Variants in CBFA2T2 observed in about 807,000 individuals in gnomAD.
The protein encoded by CBFA2T2 is protein CBFA2T2.
CBFA2T2 carries 11 observed loss-of-function variants against 62.2 expected under a neutral mutation model. That is an observed-to-expected ratio of 0.18 (90% confidence interval 0.11 to 0.29). The LOEUF is 0.29. Ranked by LOEUF, CBFA2T2 falls within the 10% of genes least tolerant of loss-of-function variation. The pLI, the probability that CBFA2T2 is intolerant of heterozygous loss-of-function variation, is 1.00. For missense variants in CBFA2T2, 592 were observed against 774.1 expected, an observed-to-expected ratio of 0.76 and a Z score of 2.79; for synonymous variants, 295 against 287.5, an observed-to-expected ratio of 1.03 and a Z score of -0.27.
intron 8 of CBFA2T2, among the ~76,000 whole-genome samples, chr20:33,633,108 C>T (rs952939878): frequency 1.1e-4 from 17 of 151,938 alleles, no homozygotes; most frequent in African/African-American, 2.7e-4. Flanking sequence ...CAGTGTCTCA[C>T]GCCTGTAATC....
At chr20:33,532,073 A>T (rs2012078132) in intron 1 of CBFA2T2, among the ~76,000 whole-genome samples, 1 of 152,162 alleles carries the variant, frequency 6.6e-6, no homozygotes, top group African/African-American at 2.4e-5. Flanking sequence ...GACTTAATGA[A>T]AGGAAACCAG....
chr20:33,593,589 T>C (rs1041683533), intron 1 of CBFA2T2, among the ~76,000 whole-genome samples: 2 of 151,846 alleles, frequency 1.3e-5, no homozygotes, highest in Admixed American at 1.3e-4. Flanking sequence ...GACGGGGTTT[T>C]GCCATGTTGG....
At chr20:33,585,670 A>G (rs1048353431) in intron 1 of CBFA2T2, among the ~76,000 whole-genome samples, 4 of 152,222 alleles carry the variant, frequency 2.6e-5, no homozygotes, top group South Asian at 2.1e-4. Flanking sequence ...TAACCTCACT[A>G]ATTGAATGTT....
chr20:33,638,591 G>A (rs190180163), intron 9 of CBFA2T2: 2 of 152,322 alleles, frequency 1.3e-5, no homozygotes, highest in East Asian at 3.9e-4. Flanking sequence ...TAAGGCCAGA[G>A]CCATAAGATG....
At chr20:33,539,297 TG>T (rs1184393671) in intron 1 of CBFA2T2, among the ~76,000 whole-genome samples, 1 of 152,190 alleles carries the variant, frequency 6.6e-6, no homozygotes, top group Non-Finnish European at 1.5e-5. Context: ...CAACACAGTG[TG>T]GGTAGTCTGT....
intron 6 of CBFA2T2, 147 bp from the exon 7 acceptor site, chr20:33,628,203 C>T (rs990210399): frequency 2.3e-5 from 14 of 607,612 alleles, no homozygotes; most frequent in Non-Finnish European, 3.0e-5. Context: ...GTTATATTGT[C>T]ATTTTGTGGG....
At chr20:33,589,839 T>C (rs1189241550) in intron 1 of CBFA2T2, among the ~76,000 whole-genome samples, 1 of 152,162 alleles carries the variant, frequency 6.6e-6, no homozygotes, top group African/African-American at 2.4e-5. Context: ...TAACCTTATT[T>C]TTTAAAAAAG....
At chr20:33,632,770 A>C (rs1339411117) in intron 8 of CBFA2T2, among the ~76,000 whole-genome samples, 1 of 150,100 alleles carries the variant, frequency 6.7e-6, no homozygotes, top group East Asian at 2.0e-4. Flanking sequence ...TTAAATAAGT[A>C]ATTAGTGTTT....
Position 33,505,277 on chromosome 20 carries a change from G to T in CBFA2T2, c.34+14976G>T, listed in dbSNP as rs2011383004. 2.6e-5 allele frequency among the ~76,000 whole-genome samples: 4 copies of T among 152,202 alleles called. No homozygotes were observed. The South Asian group carries it at 8.3e-4, about 32-fold the overall frequency. ...TTCTTTTACCTCAAATTCATAAGCA[G>T]TGCAGTCTTGAACAATTCATATTTG... On this transcript the variant is annotated intron_variant, in intron 1 of 10. Coordinates refer to ENST00000342704, the MANE Select transcript of CBFA2T2 (RefSeq NM_001032999.3).
In CBFA2T2 at chr20:33,648,920, A is replaced by G. The variant is rs1326994630; in HGVS notation, c.*4274A>G. 1.3e-5 allele frequency: 2 copies of G among 152,130 alleles called. No homozygotes were observed. The highest frequency in any genetic ancestry group is 2.9e-5 in the Non-Finnish European group (2 of 68,046). 9.4% of individuals were successfully genotyped at this position (152,130 alleles called of 1,614,324 possible). On this transcript the variant is annotated 3_prime_UTR_variant, in exon 11 of 11. Coordinates refer to ENST00000342704, the MANE Select transcript of CBFA2T2 (RefSeq NM_001032999.3). ...TCACCTGCTTGCAAAGGGTATAGAC[A>G]TCATTCTGGGTAGTTCTAGAGGATA...
intron 8 of CBFA2T2, among the ~76,000 whole-genome samples, chr20:33,632,001 C>T (rs1321542869): frequency 6.6e-6 from 1 of 152,154 alleles, no homozygotes; most frequent in Non-Finnish European, 1.5e-5. Context: ...TTGGCTTCAT[C>T]AAGAAAGTCT....
At chr20:33,538,056 G>A (rs2012314051) in intron 1 of CBFA2T2, among the ~76,000 whole-genome samples, 1 of 150,566 alleles carries the variant, frequency 6.6e-6, no homozygotes, top group African/African-American at 2.4e-5. Flanking sequence ...AATCTGTTTG[G>A]GGGAAGAGCT....
intron 6 of CBFA2T2, among the ~76,000 whole-genome samples, chr20:33,626,936 A>G (rs575946132): frequency 7.2e-5 from 11 of 152,312 alleles, no homozygotes; most frequent in African/African-American, 2.6e-4. Flanking sequence ...CCCTTTTTAC[A>G]GATGAAGGAG....
At position 33,623,100 on chromosome 20, in the gene CBFA2T2, C is replaced by G. The variant is rs775143609; in HGVS notation, c.511-15C>G. Reference sequence around the variant, plus strand: ...GTAGGGCCTAACACTGGAAAAACTGCCTCTTCCTTTCAAGGCCAACCTGCC... The same window carrying G: ...GTAGGGCCTAACACTGGAAAAACTGGCTCTTCCTTTCAAGGCCAACCTGCC... On this transcript the variant is annotated splice_polypyrimidine_tract_variant and intron_variant, in intron 4 of 10. Transcript: ENST00000342704. 1.2e-6 allele frequency: 2 copies of G among 1,613,870 alleles called. No homozygotes were observed. Among genetic ancestry groups the G allele is most frequent in the South Asian group, 2.2e-5 (2 of 91,074 alleles).
chr20:33,617,238 A>T (rs2015743714), intron 3 of CBFA2T2, among the ~76,000 whole-genome samples: 1 of 152,036 alleles, frequency 6.6e-6, no homozygotes. Flanking sequence ...TATCTCTGAA[A>T]AAAAAAAATT....
chr20:33,546,608 ATTTTTT>A (rs958698324), intron 1 of CBFA2T2, among the ~76,000 whole-genome samples: 1 of 144,946 alleles, frequency 6.9e-6, no homozygotes, highest in South Asian at 2.2e-4. Flanking sequence ...TGCCTGGCTA[ATTTTTT>A]TTTTTTAATT....
At chr20:33,578,690 T>G (rs1395201999) in intron 1 of CBFA2T2, among the ~76,000 whole-genome samples, 1 of 152,146 alleles carries the variant, frequency 6.6e-6, no homozygotes, top group African/African-American at 2.4e-5. Context: ...TTCTCTTGAA[T>G]AGGAGAAAAA....
At chr20:33,510,372 G>A (rs1294815982) in intron 1 of CBFA2T2, among the ~76,000 whole-genome samples, 4 of 151,658 alleles carry the variant, frequency 2.6e-5, no homozygotes, top group African/African-American at 4.8e-5. Context: ...CACCACGCCC[G>A]GCTAATTTTT....
chr20:33,587,067 G>A (rs1315527762), intron 1 of CBFA2T2, among the ~76,000 whole-genome samples: 1 of 151,832 alleles, frequency 6.6e-6, no homozygotes, highest in Non-Finnish European at 1.5e-5. Context: ...TAAACTTCCC[G>A]AGTAGCTGGG....
Sources: allele counts gnomAD v4.1 joint callset (sites outside exome capture counted in the v4.1 genomes callset), GRCh38; gene constraint gnomAD v4.1.1; transcripts MANE v1.5; gene names NCBI Gene and HGNC (gene_info 2026-07-23, HGNC 2026-07-21).